The following CTNNA3 variants were observed in gnomAD, a reference collection of about 807,000 sequenced individuals.
The protein encoded by CTNNA3 is catenin alpha 3, also known as catenin alpha-3.
Under a neutral mutation model 95.7 loss-of-function variants are expected in CTNNA3, and 76 were observed. The ratio of observed to expected loss-of-function variants is 0.79; its 90% CI spans 0.66 to 0.96. The LOEUF (loss-of-function observed/expected upper bound fraction) is 0.96, where lower values mean the gene tolerates loss of function less well. Ranked by LOEUF, CTNNA3 falls within the 40% of genes least tolerant of loss-of-function variation. CTNNA3 has a pLI of 0.00. For synonymous variants in CTNNA3, 431 were observed against 374.4 expected (o/e 1.15, Z -1.74); for missense variants, 1,191 against 1,089.8 (o/e 1.09, Z -1.31).
intron 5 of CTNNA3, among the ~76,000 whole-genome samples, chr10:67,446,408 C>G (rs1234429653): frequency 6.6e-6 from 1 of 152,112 alleles, no homozygotes; most frequent in Non-Finnish European, 1.5e-5. Flanking sequence ...TTCCCCTGCT[C>G]AAAACTTCTC....
At chr10:66,204,317 A>C (rs1213283069) in intron 13 of CTNNA3, among the ~76,000 whole-genome samples, 1 of 152,106 alleles carries the variant, frequency 6.6e-6, no homozygotes, top group Non-Finnish European at 1.5e-5. Flanking sequence ...CCTCTCCCTT[A>C]CTGTTCAAAA....
intron 5 of CTNNA3, among the ~76,000 whole-genome samples, chr10:67,371,088 G>A (rs928509646): frequency 1.3e-4 from 19 of 151,520 alleles, no homozygotes; most frequent in African/African-American, 4.1e-4. Context: ...GGATGGTCTC[G>A]ATCTCCTGAC....
chr10:66,573,201 A>G (rs1842919186), intron 10 of CTNNA3, among the ~76,000 whole-genome samples: 1 of 152,194 alleles, frequency 6.6e-6, no homozygotes, highest in African/African-American at 2.4e-5. Flanking sequence ...AAATTTGGAG[A>G]ACCACTGATG....
chr10:67,069,919 C>A (rs989473206), intron 7 of CTNNA3, among the ~76,000 whole-genome samples: 3 of 152,136 alleles, frequency 2.0e-5, no homozygotes, highest in Non-Finnish European at 4.4e-5. Context: ...ATTTCTCCTG[C>A]ATGTATATCT....
intron 9 of CTNNA3, among the ~76,000 whole-genome samples, chr10:66,755,278 G>T (rs975526907): frequency 6.6e-6 from 1 of 152,012 alleles, no homozygotes; most frequent in Admixed American, 6.6e-5. Context: ...TAGAAAGTAG[G>T]GCTTGAAAGT....
rs570341284 is a variant in CTNNA3 at position 66,448,150 on chromosome 10, T to C, written c.1532-68798A>G. Reference sequence around the variant, plus strand: ...AGATACCATCTCACACCAGTTAGAATGGCAATCATTAAAAAGTCAGGAAAC... The same window carrying C: ...AGATACCATCTCACACCAGTTAGAACGGCAATCATTAAAAAGTCAGGAAAC... On this transcript the variant is annotated intron_variant, in intron 11 of 17. Coordinates refer to ENST00000433211, the MANE Select transcript of CTNNA3 (RefSeq NM_013266.4). Among the ~76,000 whole-genome samples the C allele has an allele frequency of 1.6e-3, 238 of 152,190 alleles. 2 individuals carry two copies. The highest frequency in any genetic ancestry group is 5.5e-3 in the African/African-American group (228 of 41,530).
chr10:66,191,232 G>C (rs2086651147), intron 13 of CTNNA3, among the ~76,000 whole-genome samples: 1 of 152,044 alleles, frequency 6.6e-6, no homozygotes, highest in African/African-American at 2.4e-5. Context: ...AGAGATTCTA[G>C]GTTCTTGGCT....
chr10:65,940,422 C>A (rs1446572911), intron 17 of CTNNA3, among the ~76,000 whole-genome samples: 1 of 152,148 alleles, frequency 6.6e-6, no homozygotes, highest in African/African-American at 2.4e-5. Flanking sequence ...AAAAACATAT[C>A]ACTTTATTAT....
chr10:67,569,594 G>T (rs1024469249), intron 3 of CTNNA3, among the ~76,000 whole-genome samples: 1 of 152,090 alleles, frequency 6.6e-6, no homozygotes, highest in African/African-American at 2.4e-5. Flanking sequence ...CAGCTATAGC[G>T]ATGGCACCAC....
At chr10:65,995,550 C>T (rs2078639079) in intron 15 of CTNNA3, among the ~76,000 whole-genome samples, 1 of 152,086 alleles carries the variant, frequency 6.6e-6, no homozygotes, top group African/African-American at 2.4e-5. Context: ...CCAAGCATGC[C>T]TGTCTTTGGG....
intron 5 of CTNNA3, among the ~76,000 whole-genome samples, chr10:67,351,112 C>G (rs1842619506): frequency 8.2e-5 from 4 of 48,944 alleles, no homozygotes. Context: ...TGAAAGAAGT[C>G]AGACTCAAAA....
At chr10:66,898,631 T>C (rs1228822174) in intron 7 of CTNNA3, among the ~76,000 whole-genome samples, 6 of 152,148 alleles carry the variant, frequency 3.9e-5, no homozygotes, top group African/African-American at 1.2e-4. Context: ...GGAAACTGGA[T>C]ATCCACATGC....
intron 1 of CTNNA3, among the ~76,000 whole-genome samples, chr10:67,684,719 G>T (rs1271186410): frequency 6.6e-6 from 1 of 152,184 alleles, no homozygotes; most frequent in Non-Finnish European, 1.5e-5. Context: ...CTCATTTGGG[G>T]TTCCATTTGT....
intron 11 of CTNNA3, among the ~76,000 whole-genome samples, chr10:66,487,758 A>C (rs567867740): frequency 1.5e-4 from 23 of 152,354 alleles, no homozygotes; most frequent in African/African-American, 5.3e-4. Context: ...CAGTTAAACA[A>C]CACAAACTAT....
chr10:67,392,742 T>G (rs1185664586), intron 5 of CTNNA3, among the ~76,000 whole-genome samples: 1 of 152,152 alleles, frequency 6.6e-6, no homozygotes, highest in Non-Finnish European at 1.5e-5. Flanking sequence ...AATGATGAGT[T>G]CATGTCCTTT....
rs67324505 is a variant in CTNNA3 at position 67,647,146 on chromosome 10, T to TTATATATA, written c.99+261_99+268dup. ...AATTTATATAAAGGTACTCTGAAAA[T>TTATATATA]TATATATATATATATATATATATAT... On this transcript the variant is annotated intron_variant, in intron 2 of 17. Transcript: ENST00000433211. 0.061 allele frequency among the ~76,000 whole-genome samples: 8,352 copies of TTATATATA among 135,906 alleles called. 284 individuals carry two copies. The highest frequency in any genetic ancestry group is 0.09 in the Non-Finnish European group (5,563 of 62,078). The allele number at this position is 135,906 out of a possible 152,430, so 89.2% of individuals were successfully genotyped here.
intron 13 of CTNNA3, among the ~76,000 whole-genome samples, chr10:66,208,034 A>G (rs1589733123): frequency 6.6e-6 from 1 of 152,084 alleles, no homozygotes. Flanking sequence ...GAACTTCTCT[A>G]TAATGTTTAA....
intron 15 of CTNNA3, among the ~76,000 whole-genome samples, chr10:65,993,187 T>G (rs1053693765): frequency 4.6e-5 from 7 of 152,236 alleles, no homozygotes; most frequent in Admixed American, 2.0e-4. Flanking sequence ...AGGATGTCTA[T>G]GTGGTTATGG....
At chr10:67,690,763 C>T (rs1280547760) in intron 1 of CTNNA3, among the ~76,000 whole-genome samples, 3 of 152,194 alleles carry the variant, frequency 2.0e-5, no homozygotes, top group Non-Finnish European at 4.4e-5. Flanking sequence ...ACTTAAGCAA[C>T]GCTACTCAAA....
Sources: allele counts gnomAD v4.1 joint callset (sites outside exome capture counted in the v4.1 genomes callset), GRCh38; gene constraint gnomAD v4.1.1; transcripts MANE v1.5; gene names NCBI Gene and HGNC (gene_info 2026-07-23, HGNC 2026-07-21).